BAZ1A: variants seen among roughly 807,000 people sequenced by gnomAD.
BAZ1A encodes bromodomain adjacent to zinc finger domain 1A.
Under a neutral mutation model 185.2 loss-of-function variants are expected in BAZ1A, and 50 were observed. That is an observed-to-expected ratio of 0.27 (90% CI 0.22 to 0.34). The LOEUF (loss-of-function observed/expected upper bound fraction) is 0.34, where lower values mean the gene tolerates loss of function less well. Among genes scored for constraint, BAZ1A ranks in the 10% least tolerant of loss-of-function variants. The probability of loss-of-function intolerance (pLI) is 1.00; values close to 1 mark genes in which losing one functional copy is unlikely to be tolerated. For missense variants in BAZ1A, 1,356 were observed against 1,839.9 expected, an observed-to-expected ratio of 0.74 and a Z score of 4.81; for synonymous variants, 571 against 615.6, an observed-to-expected ratio of 0.93 and a Z score of 1.07.
Position 34,773,687 on chromosome 14 carries a change from C to T in BAZ1A, c.3037G>A (p.Gly1013Arg). The T allele has an allele frequency of 6.2e-7, 1 of 1,613,602 alleles. No homozygotes were observed. The highest frequency in any genetic ancestry group is 1.1e-5 in the South Asian group (1 of 91,070). Residue 1013 changes from glycine to arginine, a missense_variant, in exon 20 of 27, where the codon GGA (glycine) becomes AGA (arginine). Physicochemically the swap from Gly to Arg is moderately radical, Grantham distance 125. Coordinates refer to ENST00000360310, the MANE Select transcript of BAZ1A (RefSeq NM_013448.3). ...TCCTCACTTAACAGCTCATACCGTC[C>T]ACTTTCTAATGCTGATCTCCAGATA... ...RHIWRSALES[G>R]RYELLSEENK... is the part of the protein sequence containing the mutation.
chr14:34,797,799 G>A (rs1881278124), intron 9 of BAZ1A, among the ~76,000 whole-genome samples: 2 of 152,178 alleles, frequency 1.3e-5, no homozygotes, highest in Admixed American at 6.5e-5. Context: ...ATCTCATTGG[G>A]ACTGGTGCCC....
At chr14:34,770,409 TC>T (rs1162057624) in intron 21 of BAZ1A, among the ~76,000 whole-genome samples, 4 of 152,214 alleles carry the variant, frequency 2.6e-5, no homozygotes, top group African/African-American at 9.7e-5. Context: ...CGCCTCGGCC[TC>T]CCAAAGTGCT....
intron 3 of BAZ1A, among the ~76,000 whole-genome samples, chr14:34,839,218 G>C (rs2042374789): frequency 6.6e-6 from 1 of 152,170 alleles, no homozygotes; most frequent in Non-Finnish European, 1.5e-5. Context: ...AACGCTGTGT[G>C]TCCTGATTGT....
chr14:34,764,333 C>G (rs1594813122), intron 23 of BAZ1A, among the ~76,000 whole-genome samples: 1 of 148,172 alleles, frequency 6.7e-6, no homozygotes, highest in East Asian at 2.0e-4. Context: ...CTCTTGTCAC[C>G]CAGACTGGAG....
intron 4 of BAZ1A, among the ~76,000 whole-genome samples, chr14:34,820,962 A>G (rs1038518759): frequency 4.2e-5 from 6 of 143,558 alleles, no homozygotes; most frequent in Non-Finnish European, 4.7e-5. Context: ...GGATTAGTGT[A>G]GTTTCAGAGT....
chr14:34,762,781 G>GGTAA (rs1164177408), intron 23 of BAZ1A, among the ~76,000 whole-genome samples: 1 of 151,916 alleles, frequency 6.6e-6, no homozygotes, highest in Non-Finnish European at 1.5e-5. Context: ...ATATCTTCTT[G>GGTAA]GTAACTTCAG....
At chr14:34,758,477 A>G (rs975419475) in intron 25 of BAZ1A, 11 of 392,684 alleles carry the variant, frequency 2.8e-5, no homozygotes, top group Admixed American at 1.7e-4. Flanking sequence ...TTACTCAGGA[A>G]GCTGAGGCAG....
intron 14 of BAZ1A, among the ~76,000 whole-genome samples, chr14:34,784,139 C>T (rs1475863611): frequency 4.6e-5 from 7 of 151,734 alleles, no homozygotes; most frequent in African/African-American, 9.7e-5. Context: ...GAGGCCGAGG[C>T]GGGCAGATCA....
Position 34,863,091 on chromosome 14 carries a change from C to A in BAZ1A, c.114-769G>T, listed in dbSNP as rs1176493159. Among the ~76,000 whole-genome samples the A allele has an allele frequency of 3.5e-5, 5 of 144,070 alleles. No homozygotes were observed. The East Asian group carries it at 1.0e-3, about 30-fold the overall frequency. 94.5% of individuals were successfully genotyped at this position (144,070 alleles called of 152,430 possible). ...GCAACCTCCACCTCCCAGGTTTAAG[C>A]GATTCTCCTGCCTCAGCTTCCCGAG... is the stretch of plus-strand genomic sequence containing the variant. On this transcript the variant is annotated intron_variant, in intron 2 of 26. Transcript: ENST00000360310.
In BAZ1A at chr14:34,864,760, G is replaced by A. The variant is rs561144878; in HGVS notation, c.114-2438C>T. ...GCTGGGATTATAGGCGTGAGCCACC[G>A]CACACAGCGCAATAAATTTTTTTTT... On this transcript the variant is annotated intron_variant, in intron 2 of 26. Transcript: ENST00000360310. Among the ~76,000 whole-genome samples, 256 of 138,444 alleles carry A rather than the reference G, an allele frequency of 1.8e-3. 1 individual carries two copies. The highest frequency in any genetic ancestry group is 3.4e-3 in the Non-Finnish European group (219 of 64,578). The allele number at this position is 138,444 out of a possible 152,430, so 90.8% of individuals were successfully genotyped here. A position where few individuals can be genotyped will look rare whatever the true frequency, so the allele number is the denominator to read the frequency against.
intron 3 of BAZ1A, among the ~76,000 whole-genome samples, chr14:34,839,191 T>C (rs926838700): frequency 2.6e-5 from 4 of 152,118 alleles, no homozygotes; most frequent in African/African-American, 4.8e-5. Flanking sequence ...GAAATGAATT[T>C]TGTGGAGGTT....
At chr14:34,812,618 TAGAG>T (rs989068698) in intron 4 of BAZ1A, among the ~76,000 whole-genome samples, 4 of 152,168 alleles carry the variant, frequency 2.6e-5, no homozygotes, top group African/African-American at 9.6e-5. Flanking sequence ...GTAGCAGCAA[TAGAG>T]AGAAGAGGTA....
At chr14:34,775,868 GA>G in intron 18 of BAZ1A, 50 bp downstream of exon 18, 6 of 1,425,120 alleles carry the variant, frequency 4.2e-6, no homozygotes, top group Non-Finnish European at 5.7e-6. Context: ...TGAATGACCA[GA>G]GATTAGGGGG....
chr14:34,782,899 ACT>A (rs1353599417), intron 16 of BAZ1A, among the ~76,000 whole-genome samples: 2 of 152,290 alleles, frequency 1.3e-5, no homozygotes, highest in East Asian at 1.9e-4. Flanking sequence ...GCACAGAATA[ACT>A]CTGTGAAATA....
intron 3 of BAZ1A, among the ~76,000 whole-genome samples, chr14:34,848,126 T>C (rs1381913674): frequency 2.0e-5 from 3 of 152,166 alleles, no homozygotes; most frequent in Non-Finnish European, 4.4e-5. Flanking sequence ...CCTCCCAAAG[T>C]GCTAGGATTA....
intron 12 of BAZ1A, among the ~76,000 whole-genome samples, chr14:34,791,937 A>G (rs1395691346): frequency 1.3e-5 from 2 of 152,252 alleles, no homozygotes; most frequent in African/African-American, 4.8e-5. Context: ...CGTACCATAC[A>G]CTGACTCCAG....
Position 34,758,727 on chromosome 14 carries a change from A to G in BAZ1A, c.4363T>C (p.Leu1455=), listed in dbSNP as rs1289132722. 1 of 1,614,046 alleles carries G rather than the reference A, an allele frequency of 6.2e-7. No homozygotes were observed. The highest frequency in any genetic ancestry group is 1.6e-4 in the Middle Eastern group (1 of 6,062). Residue 1455 remains leucine (L), a synonymous_variant, in exon 25 of 27, where the codon TTG becomes CTG. Transcript: ENST00000360310. ...LVRHDDSWPF[L]KLVSKIQVPD... ...ACCTGGATTTTAGAAACAAGTTTCA[A>G]AAAAGGCCAGCTGTCATCATGTCGT...
chr14:34,822,709 GCA>G (rs1460342537), intron 4 of BAZ1A, among the ~76,000 whole-genome samples: 1 of 152,106 alleles, frequency 6.6e-6, no homozygotes. Context: ...AAGGGATATG[GCA>G]CAGTCTATTT....
chr14:34,857,371 C>T (rs1188812119), intron 3 of BAZ1A, among the ~76,000 whole-genome samples: 4 of 152,120 alleles, frequency 2.6e-5, no homozygotes, highest in Non-Finnish European at 5.9e-5. Flanking sequence ...TTGGCATGAT[C>T]ATGTAGTCGG....
Sources: allele counts gnomAD v4.1 joint callset (sites outside exome capture counted in the v4.1 genomes callset), GRCh38; gene constraint gnomAD v4.1.1; transcripts MANE v1.5; gene names NCBI Gene and HGNC (gene_info 2026-07-23, HGNC 2026-07-21).